Variants in ADAM32 observed in about 807,000 individuals in gnomAD.
ADAM32 encodes the protein ADAM metallopeptidase domain 32.
ADAM32 carries 89 observed loss-of-function variants against 114.9 expected under a neutral mutation model. The ratio of observed to expected loss-of-function variants is 0.77; its 90% confidence interval spans 0.65 to 0.92. ADAM32 has a LOEUF of 0.92. Ranked by LOEUF, ADAM32 falls within the 40% of genes least tolerant of loss-of-function variation. The pLI is 0.00. For missense variants in ADAM32, 870 were observed against 932.8 expected (o/e 0.93, Z 0.88); for synonymous variants, 285 against 307.5 (o/e 0.93, Z 0.77).
intron 17 of ADAM32, among the ~76,000 whole-genome samples, chr8:39,250,430 T>A (rs1425703292): frequency 6.6e-6 from 1 of 152,012 alleles, no homozygotes; most frequent in Non-Finnish European, 1.5e-5. Flanking sequence ...TCTTTTTGAT[T>A]CTTTCTTAGA....
Position 39,190,640 on chromosome 8 carries a change from A to G in ADAM32, c.1052+3595A>G, listed in dbSNP as rs923555991. Among the ~76,000 whole-genome samples, 132 of 152,198 alleles carry G rather than the reference A, an allele frequency of 8.7e-4. 1 individual carries two copies. The highest frequency in any genetic ancestry group is 1.1e-3 in the Non-Finnish European group (78 of 68,038). ...GGTGTTGATTTAAAAATTTCCAATG[A>G]TTACTGATGCTGAATATTTTTTCGT... On this transcript the variant is annotated intron_variant, in intron 11 of 24. Transcript: ENST00000379907.
At chr8:39,193,546 G>A (rs1435520482) in intron 11 of ADAM32, among the ~76,000 whole-genome samples, 1 of 152,176 alleles carries the variant, frequency 6.6e-6, no homozygotes, top group Non-Finnish European at 1.5e-5. Flanking sequence ...TGGAGTACTA[G>A]TTTGGTGTTT....
chr8:39,139,055 T>C (rs555670541), intron 3 of ADAM32, among the ~76,000 whole-genome samples: 63 of 152,324 alleles, frequency 4.1e-4, no homozygotes, highest in African/African-American at 1.3e-3. Flanking sequence ...GTTTAAGTTA[T>C]TTGTAGATTC....
At chr8:39,142,667 G>A (rs575019827) in intron 3 of ADAM32, among the ~76,000 whole-genome samples, 28 of 152,216 alleles carry the variant, frequency 1.8e-4, no homozygotes, top group African/African-American at 6.5e-4. Context: ...TGGTGAATCT[G>A]ACAATTATGT....
intron 19 of ADAM32, among the ~76,000 whole-genome samples, chr8:39,264,422 T>C (rs762326209): frequency 6.6e-6 from 1 of 152,192 alleles, no homozygotes; most frequent in Non-Finnish European, 1.5e-5. Flanking sequence ...GGTCATTTCT[T>C]AGTGTGGTTA....
At chr8:39,142,261 A>AT (rs1803209327) in intron 3 of ADAM32, among the ~76,000 whole-genome samples, 1 of 151,930 alleles carries the variant, frequency 6.6e-6, no homozygotes, top group Non-Finnish European at 1.5e-5. Context: ...TTAGCTGGTT[A>AT]TTTTTCCCAT....
chr8:39,255,025 C>G (rs1234523524), intron 18 of ADAM32, among the ~76,000 whole-genome samples: 1 of 151,840 alleles, frequency 6.6e-6, no homozygotes, highest in East Asian at 1.9e-4. Context: ...CAAACTCCAT[C>G]CAGGTTGCTG....
At chr8:39,188,402 T>TATCC (rs1806390467) in intron 11 of ADAM32, among the ~76,000 whole-genome samples, 1 of 152,006 alleles carries the variant, frequency 6.6e-6, no homozygotes, top group Non-Finnish European at 1.5e-5. Flanking sequence ...TCTATCTATC[T>TATCC]ATCCATCCAT....
chr8:39,282,488 AATATAC>A (rs1813482859), intron 23 of ADAM32, among the ~76,000 whole-genome samples: 2 of 152,292 alleles, frequency 1.3e-5, no homozygotes, highest in African/African-American at 4.8e-5. Flanking sequence ...TCTATAGGGT[AATATAC>A]ACTGGATTTG....
intron 16 of ADAM32, 29 bp downstream of exon 16, chr8:39,234,111 T>C (rs1397669006): frequency 6.4e-6 from 8 of 1,257,908 alleles, no homozygotes; most frequent in Non-Finnish European, 8.2e-6. Flanking sequence ...ATTTAAAAAA[T>C]ATAGTTTTAT....
chr8:39,148,424 G>A lies in ADAM32; in HGVS notation c.276+1219G>A, dbSNP rs141040579. 5.1e-3 allele frequency among the ~76,000 whole-genome samples: 764 copies of A among 149,574 alleles called. 5 individuals carry two copies. Among genetic ancestry groups the A allele is most frequent in the Non-Finnish European group, 8.0e-3 (543 of 67,662 alleles). ...TTTACTCAAAATCACCCTATTAGTC[G>A]TTGACTAACCCCTACTTTAAATTGG... On this transcript the variant is annotated intron_variant, in intron 4 of 24. Coordinates refer to ENST00000379907, the MANE Select transcript of ADAM32 (RefSeq NM_145004.7).
chr8:39,164,879 A>T (rs1356768569), intron 8 of ADAM32, 44 bp downstream of exon 8: 6 of 1,564,082 alleles, frequency 3.8e-6, no homozygotes, highest in East Asian at 4.5e-5. Context: ...TTGTTTTGAA[A>T]TGATAATTTG....
chr8:39,251,397 A>T (rs1383632962), intron 17 of ADAM32, among the ~76,000 whole-genome samples: 2 of 151,488 alleles, frequency 1.3e-5, no homozygotes, highest in African/African-American at 2.4e-5. Context: ...AATGGCTTTT[A>T]TAAGCCATTT....
intron 11 of ADAM32, among the ~76,000 whole-genome samples, chr8:39,205,611 T>C (rs1019425560): frequency 9.2e-5 from 14 of 152,182 alleles, no homozygotes; most frequent in African/African-American, 3.4e-4. Context: ...TCACACTTGG[T>C]GCGCTGCACC....
intron 1 of ADAM32, among the ~76,000 whole-genome samples, chr8:39,114,366 C>A (rs2067726): frequency 0.43 from 65,129 of 152,068 alleles, 14,148 homozygotes; most frequent in East Asian, 0.58. Flanking sequence ...GACTCCCTCA[C>A]TCCTTAATGA....
At chr8:39,170,627 T>C (rs1175708145) in intron 10 of ADAM32, among the ~76,000 whole-genome samples, 1 of 152,054 alleles carries the variant, frequency 6.6e-6, no homozygotes, top group Non-Finnish European at 1.5e-5. Context: ...GTTGAGTATA[T>C]ATATATAGGA....
At chr8:39,120,000 G>A (rs1840525557) in intron 2 of ADAM32, among the ~76,000 whole-genome samples, 1 of 152,214 alleles carries the variant, frequency 6.6e-6, no homozygotes, top group Non-Finnish European at 1.5e-5. Context: ...CATACAAACT[G>A]AAGGTCATGA....
intron 22 of ADAM32, 183 bp downstream of exon 22, chr8:39,276,049 C>T: frequency 2.1e-6 from 1 of 472,520 alleles, no homozygotes. Flanking sequence ...CTAAATAAGA[C>T]AATATCTTCT....
At chr8:39,111,597 G>A (rs1840159341) in intron 1 of ADAM32, among the ~76,000 whole-genome samples, 1 of 151,896 alleles carries the variant, frequency 6.6e-6, no homozygotes, top group African/African-American at 2.4e-5. Flanking sequence ...TTAGCTGATT[G>A]TGGTGGCACA....
Sources: allele counts gnomAD v4.1 joint callset (sites outside exome capture counted in the v4.1 genomes callset), GRCh38; gene constraint gnomAD v4.1.1; transcripts MANE v1.5; gene names NCBI Gene and HGNC (gene_info 2026-07-23, HGNC 2026-07-21).